Variants in TNIP1 observed in about 807,000 individuals in gnomAD.
TNIP1 encodes TNFAIP3-interacting protein 1.
Under a neutral mutation model 86.6 loss-of-function variants are expected in TNIP1, and 22 were observed. The ratio of observed to expected loss-of-function variants is 0.25; its 90% CI spans 0.18 to 0.36. The LOEUF (loss-of-function observed/expected upper bound fraction) is 0.36. Among genes scored for constraint, TNIP1 ranks in the 10% least tolerant of loss-of-function variants. TNIP1 has a pLI of 1.00. For synonymous variants in TNIP1, 294 were observed against 313.0 expected (o/e 0.94, Z 0.64); for missense variants, 709 against 820.6 (o/e 0.86, Z 1.66).
At chr5:151,036,657 G>T in intron 13 of TNIP1, 133 bp downstream of exon 13, 1 of 1,341,296 alleles carries the variant, frequency 7.5e-7, no homozygotes, top group East Asian at 2.4e-5. Flanking sequence ...AGAGCCAGTG[G>T]GGGGCCCTGG....
At position 151,030,088 on chromosome 5, in the gene TNIP1, A is replaced by C; in HGVS notation, c.*625T>G. On this transcript the variant is annotated 3_prime_UTR_variant, in exon 18 of 18. Transcript: ENST00000521591. ...CTGAACCTCAGGGCCTGGCAGCTTC[A>C]GGCTGGCGCCCCTCGGCGGACGTGG... 1 of 456,892 alleles carries C rather than the reference A, an allele frequency of 2.2e-6. No homozygotes were observed. Among genetic ancestry groups the C allele is most frequent in the Non-Finnish European group, 4.4e-6 (1 of 226,982 alleles). 28.3% of individuals were successfully genotyped at this position (456,892 alleles called of 1,614,324 possible).
At position 151,064,455 on chromosome 5, in the gene TNIP1, G is replaced by A. The variant is rs749014756; in HGVS notation, c.136+505C>T. Among the ~76,000 whole-genome samples the A allele has an allele frequency of 7.9e-5, 12 of 152,342 alleles. No homozygotes were observed. In the East Asian group the frequency reaches 1.2e-3, roughly 15 times the overall value. On this transcript the variant is annotated intron_variant, in intron 2 of 17. Coordinates refer to ENST00000521591, the MANE Select transcript of TNIP1 (RefSeq NM_006058.5). ...AACTGGGTGCTGATGCACAGGGCCC[G>A]TCGGTCGTGTGGAGGGAGGTGGGGT...
rs369556754 is a variant in TNIP1, at chr5:151,056,749, C to T, written c.627+17G>A. 50 of 1,468,370 alleles carry T rather than the reference C, an allele frequency of 3.4e-5. No homozygotes were observed. Among genetic ancestry groups the T allele is most frequent in the Middle Eastern group, 1.8e-4 (1 of 5,538 alleles). 91.0% of individuals were successfully genotyped at this position (1,468,370 alleles called of 1,614,324 possible). On this transcript the variant is annotated intron_variant, in intron 6 of 17. Coordinates refer to ENST00000521591, the MANE Select transcript of TNIP1 (RefSeq NM_006058.5). ...GCACGCCTGCCTGTCTCGGGCTGCC[C>T]TCCCCACGCGCCTCACCTGCAGAAT...
At chr5:151,065,182 T>A in intron 1 of TNIP1, 51 bp from the exon 2 acceptor site, 2 of 1,505,628 alleles carry the variant, frequency 1.3e-6, no homozygotes, top group Non-Finnish European at 1.8e-6. Context: ...CATGGGGGCA[T>A]CCTTTGCAGA....
chr5:151,059,828 A>AGTGTGTGTGTGT (rs760868810), intron 5 of TNIP1, among the ~76,000 whole-genome samples: 5 of 56,418 alleles, frequency 8.9e-5, no homozygotes, highest in East Asian at 1.4e-3. Context: ...AGAGAGAGAG[A>AGTGTGTGTGTGT]GTGTGTGTGT....
rs547701057 is a variant in TNIP1, at chr5:151,076,665, C to G, written c.-37+4215G>C. On this transcript the variant is annotated intron_variant, in intron 1 of 17. Transcript: ENST00000521591. ...ATGCTACTGCTCAACCTCTCCCCCT[C>G]CCTCACAGTGGTCAGGTAAGCAATG... 8.8e-4 allele frequency among the ~76,000 whole-genome samples: 134 copies of G among 152,294 alleles called. 1 individual carries two copies. The highest frequency in any genetic ancestry group is 3.0e-3 in the African/African-American group (126 of 41,556).
intron 7 of TNIP1, 132 bp from the exon 8 acceptor site, chr5:151,050,079 C>T (rs1759708714): frequency 4.8e-6 from 7 of 1,453,192 alleles, no homozygotes; most frequent in Middle Eastern, 1.8e-4. Context: ...GAAACCTGCC[C>T]TCCTGGAAAA....
chr5:151,036,728 C>T (rs993354373), intron 13 of TNIP1, 62 bp downstream of exon 13: 11 of 1,611,332 alleles, frequency 6.8e-6, no homozygotes, highest in Non-Finnish European at 8.5e-6. Flanking sequence ...CCGTCTGGGC[C>T]CTCAGGAAAG....
In TNIP1 at chr5:151,030,674, C is replaced by G. The variant is rs776163694; in HGVS notation, c.*39G>C. 64 of 1,613,966 alleles carry G rather than the reference C, an allele frequency of 4.0e-5. No homozygotes were observed. Among genetic ancestry groups the G allele is most frequent in the Non-Finnish European group, 5.2e-5 (61 of 1,179,982 alleles). Reference sequence around the variant, plus strand: ...CTTGGCAATCTGAGATCAGCTGGCTCTGCAAGATGAAGGTGGAGCCAAATG... The same window carrying G: ...CTTGGCAATCTGAGATCAGCTGGCTGTGCAAGATGAAGGTGGAGCCAAATG... On this transcript the variant is annotated 3_prime_UTR_variant, in exon 18 of 18. Transcript: ENST00000521591.
chr5:151,042,729 G>A, intron 10 of TNIP1, 58 bp from the exon 11 acceptor site: 6 of 1,607,972 alleles, frequency 3.7e-6, no homozygotes, highest in African/African-American at 1.3e-5. Flanking sequence ...CTTGCAGGAT[G>A]TGGGCAGGGC....
chr5:151,076,413 G>A (rs1208837864), intron 1 of TNIP1, among the ~76,000 whole-genome samples: 1 of 152,224 alleles, frequency 6.6e-6, no homozygotes, highest in Non-Finnish European at 1.5e-5. Context: ...ACCAGGAGCT[G>A]CCAGAGCCAA....
Position 151,033,658 on chromosome 5 carries a change from TGGGGGGA to T in TNIP1, c.1722_1728del (p.Pro575TrpfsTer38). On this transcript the variant is annotated frameshift_variant, in exon 16 of 18. Transcript: ENST00000521591. LOFTEE classifies it high-confidence loss of function. Reference sequence around the variant, plus strand: ...AGTGGGGGCGGGTGCTCCATGGCCATGGGGGGAGGGGGGTAGCGGATCTGGGACCAGT... The same window carrying T: ...AGTGGGGGCGGGTGCTCCATGGCCATGGGGGGTAGCGGATCTGGGACCAGT... 2.4e-6 allele frequency: 1 copy of T among 411,178 alleles called. No homozygotes were observed. Among genetic ancestry groups the T allele is most frequent in the Non-Finnish European group, 3.5e-6 (1 of 284,826 alleles). The allele number at this position is 411,178 out of a possible 1,614,324, so 25.5% of individuals were successfully genotyped here.
intron 9 of TNIP1, among the ~76,000 whole-genome samples, chr5:151,044,159 C>A (rs555150267): frequency 6.6e-6 from 1 of 152,198 alleles, no homozygotes; most frequent in South Asian, 2.1e-4. Flanking sequence ...ATCCTCCCAC[C>A]TCAGCTCCCC....
chr5:151,050,947 G>A (rs935909969), intron 7 of TNIP1, among the ~76,000 whole-genome samples: 2 of 152,172 alleles, frequency 1.3e-5, no homozygotes, highest in Non-Finnish European at 2.9e-5. Context: ...AAAGTGCTGG[G>A]ATTACAGGTG....
chr5:151,044,829 A>C (rs1051436672), intron 9 of TNIP1, among the ~76,000 whole-genome samples: 4 of 152,196 alleles, frequency 2.6e-5, no homozygotes, highest in African/African-American at 4.8e-5. Context: ...GGACTGCAGC[A>C]CAGGGACTCT....
In TNIP1 at chr5:151,035,081, G is replaced by A. The variant is rs557468039; in HGVS notation, c.1522-14C>T. On this transcript the variant is annotated splice_polypyrimidine_tract_variant and intron_variant, in intron 14 of 17. Coordinates refer to ENST00000521591, the MANE Select transcript of TNIP1 (RefSeq NM_006058.5). The stretch of plus-strand genomic sequence containing the variant: ...GAATGCTTTTAGCTGAGAGAAGAAG[G>A]GAGGGAGAAAAGACTGTCGGCACAG... The A allele has an allele frequency of 5.6e-6, 9 of 1,612,726 alleles. No homozygotes were observed. The East Asian group carries it at 6.7e-5, about 12-fold the overall frequency.
intron 4 of TNIP1, 63 bp downstream of exon 4, chr5:151,062,064 T>C (rs1021726613): frequency 1.3e-5 from 18 of 1,426,620 alleles, no homozygotes; most frequent in Non-Finnish European, 1.7e-5. Context: ...TGTTCTTGTA[T>C]CTGTCAGTAG....
At chr5:151,038,879 G>A (rs573360831) in intron 12 of TNIP1, among the ~76,000 whole-genome samples, 32 of 152,260 alleles carry the variant, frequency 2.1e-4, no homozygotes, top group African/African-American at 7.7e-4. Context: ...ACAAGGGGAA[G>A]AGTGCACCTC....
intron 1 of TNIP1, chr5:151,078,318 T>G (rs1042598872): frequency 6.6e-6 from 1 of 152,190 alleles, no homozygotes; most frequent in African/African-American, 2.4e-5. Context: ...TCCTCATTTG[T>G]GAAATGTGCC....
Sources: allele counts gnomAD v4.1 joint callset (sites outside exome capture counted in the v4.1 genomes callset), GRCh38; gene constraint gnomAD v4.1.1; transcripts MANE v1.5; gene names NCBI Gene and HGNC (gene_info 2026-07-23, HGNC 2026-07-21).